WDR7: variants seen among roughly 807,000 people sequenced by gnomAD.
WDR7 encodes the protein WD repeat domain 7, also known as WD repeat-containing protein 7.
In WDR7, 46 loss-of-function variants were observed where a neutral mutation model predicts 169.4. The ratio of observed to expected loss-of-function variants is 0.27; its 90% CI spans 0.21 to 0.35. The LOEUF (loss-of-function observed/expected upper bound fraction) is 0.35, where lower values mean the gene tolerates loss of function less well. Ranked by LOEUF, WDR7 falls within the 10% of genes least tolerant of loss-of-function variation. The probability of loss-of-function intolerance (pLI) is 1.00; values close to 1 mark genes in which losing one functional copy is unlikely to be tolerated. For synonymous variants in WDR7, 612 were observed against 666.8 expected (o/e 0.92, Z 1.27); for missense variants, 1,534 against 1,859.3 (o/e 0.83, Z 3.22).
intron 21 of WDR7, among the ~76,000 whole-genome samples, chr18:56,893,970 A>G (rs1241794081): frequency 2.6e-5 from 4 of 152,198 alleles, no homozygotes; most frequent in East Asian, 1.9e-4. Flanking sequence ...TTTCCCATCT[A>G]AACCTATTCT....
At chr18:56,738,727 G>C (rs2026756284) in intron 14 of WDR7, among the ~76,000 whole-genome samples, 1 of 146,744 alleles carries the variant, frequency 6.8e-6, no homozygotes, top group Admixed American at 6.8e-5. Flanking sequence ...TCGCCTCCAT[G>C]ATTTGGCATA....
At chr18:56,763,184 C>T (rs1490744171) in intron 16 of WDR7, among the ~76,000 whole-genome samples, 1 of 152,124 alleles carries the variant, frequency 6.6e-6, no homozygotes, top group Non-Finnish European at 1.5e-5. Context: ...TGGTCTTGAG[C>T]TCCTGACCTC....
At chr18:56,699,847 T>G in intron 12 of WDR7, 1 of 985,458 alleles carries the variant, frequency 1.0e-6, no homozygotes. Context: ...ATGCTGCAGC[T>G]GGAAGTTGGA....
chr18:56,809,809 G>GTATA (rs3045240), intron 19 of WDR7, among the ~76,000 whole-genome samples: 11 of 150,518 alleles, frequency 7.3e-5, no homozygotes, highest in East Asian at 1.9e-4. Context: ...GTTTTTGGAA[G>GTATA]TATATATATA....
At chr18:57,009,961 A>G (rs910113586) in intron 26 of WDR7, 64 of 985,278 alleles carry the variant, frequency 6.5e-5, no homozygotes, top group Non-Finnish European at 7.7e-5. Context: ...CGAAAATGCC[A>G]AGTCCCATCA....
intron 25 of WDR7, among the ~76,000 whole-genome samples, chr18:56,952,971 TATATGATAC>T (rs1237602623): frequency 1.3e-5 from 2 of 152,234 alleles, no homozygotes; most frequent in Non-Finnish European, 2.9e-5. Context: ...GACACTATGT[TATATGATAC>T]ATATGATACT....
intron 26 of WDR7, among the ~76,000 whole-genome samples, chr18:57,017,545 C>G (rs2048226086): frequency 6.8e-6 from 1 of 147,336 alleles, no homozygotes; most frequent in Non-Finnish European, 1.5e-5. Context: ...AGATGTAGTC[C>G]CCCTTTGTCC....
At chr18:56,726,067 A>G (rs1210654890) in intron 13 of WDR7, among the ~76,000 whole-genome samples, 1 of 152,150 alleles carries the variant, frequency 6.6e-6, no homozygotes, top group Non-Finnish European at 1.5e-5. Flanking sequence ...GCCTTGTAGT[A>G]TAGTTTGAAG....
At chr18:56,735,024 A>C (rs1294114792) in intron 14 of WDR7, among the ~76,000 whole-genome samples, 1 of 152,212 alleles carries the variant, frequency 6.6e-6, no homozygotes, top group Admixed American at 6.5e-5. Context: ...GGGTGCTGAC[A>C]TGATGCTGAA....
chr18:56,781,907 C>A, intron 19 of WDR7: 1 of 278,622 alleles, frequency 3.6e-6, no homozygotes, highest in East Asian at 6.8e-5. Flanking sequence ...AAATGAATTC[C>A]CCATCAAACA....
intron 20 of WDR7, among the ~76,000 whole-genome samples, chr18:56,833,771 C>A (rs1299047019): frequency 6.6e-6 from 1 of 152,148 alleles, no homozygotes; most frequent in African/African-American, 2.4e-5. Context: ...CCAATCTTTC[C>A]CGTCTCAAAG....
chr18:56,845,424 G>T (rs989591569), intron 20 of WDR7, among the ~76,000 whole-genome samples: 1 of 151,868 alleles, frequency 6.6e-6, no homozygotes, highest in African/African-American at 2.4e-5. Flanking sequence ...ATTTGTAATA[G>T]AATTTATAAA....
chr18:56,857,948 G>GT (rs1568234000), intron 20 of WDR7, among the ~76,000 whole-genome samples: 1 of 151,936 alleles, frequency 6.6e-6, no homozygotes, highest in Admixed American at 6.6e-5. Context: ...ACATGACTAG[G>GT]TTTTCCCCAG....
intron 16 of WDR7, among the ~76,000 whole-genome samples, chr18:56,767,440 C>T (rs1382633162): frequency 2.0e-5 from 3 of 152,150 alleles, no homozygotes; most frequent in Non-Finnish European, 4.4e-5. Context: ...TGTAGCTTCA[C>T]CTAGGAACTC....
Position 56,899,818 on chromosome 18 carries a change from A to T in WDR7, c.3526+19653A>T, listed in dbSNP as rs1176786989. 2.6e-5 allele frequency among the ~76,000 whole-genome samples: 4 copies of T among 152,050 alleles called. 1 individual carries two copies. The highest frequency in any genetic ancestry group is 4.1e-4 in the South Asian group (2 of 4,826). ...GTTAACGATTTCTGATCATCATATA[A>T]GCTTTAAGAATAAAGGAGTTTTATA... is the stretch of plus-strand genomic sequence containing the variant. On this transcript the variant is annotated intron_variant, in intron 21 of 27. Transcript: ENST00000254442.
At chr18:56,871,752 G>A (rs1358708546) in intron 20 of WDR7, among the ~76,000 whole-genome samples, 1 of 151,890 alleles carries the variant, frequency 6.6e-6, no homozygotes, top group Non-Finnish European at 1.5e-5. Context: ...GCATAAAATT[G>A]TTATGTTAAC....
intron 26 of WDR7, among the ~76,000 whole-genome samples, chr18:56,979,793 A>G (rs1472422165): frequency 6.6e-6 from 1 of 152,208 alleles, no homozygotes; most frequent in East Asian, 1.9e-4. Flanking sequence ...TGCCTCCTCT[A>G]TGGAGATAAT....
At chr18:56,682,956 C>T in intron 5 of WDR7, 103 bp downstream of exon 5, 1 of 1,244,156 alleles carries the variant, frequency 8.0e-7, no homozygotes, top group Non-Finnish European at 1.1e-6. Flanking sequence ...GGGATATATT[C>T]TTCTATGTAA....
chr18:56,829,010 C>T (rs2045262046), intron 20 of WDR7, among the ~76,000 whole-genome samples: 1 of 151,638 alleles, frequency 6.6e-6, no homozygotes, highest in Admixed American at 6.6e-5. Flanking sequence ...TAGGCAACAT[C>T]CCTTAGGAAC....
Sources: allele counts gnomAD v4.1 joint callset (sites outside exome capture counted in the v4.1 genomes callset), GRCh38; gene constraint gnomAD v4.1.1; transcripts MANE v1.5; gene names NCBI Gene and HGNC (gene_info 2026-07-23, HGNC 2026-07-21).